The following ADGRV1 variants were observed in gnomAD, a reference collection of about 807,000 sequenced individuals.
The protein encoded by ADGRV1 is adhesion G protein-coupled receptor V1.
In ADGRV1, 359 loss-of-function variants were observed where a neutral mutation model predicts 596.2. The ratio of observed to expected loss-of-function variants is 0.60; its 90% CI spans 0.55 to 0.66. ADGRV1 has a LOEUF of 0.66. Among genes scored for constraint, ADGRV1 ranks in the 30% least tolerant of loss-of-function variants. ADGRV1 has a pLI of 0.00. For synonymous variants in ADGRV1, 2,681 were observed against 2,679.2 expected, an observed-to-expected ratio of 1.00 and a Z score of -0.02; for missense variants, 7,274 against 7,575.6, an observed-to-expected ratio of 0.96 and a Z score of 1.48.
intron 50 of ADGRV1, among the ~76,000 whole-genome samples, chr5:90,740,298 T>C (rs546286946): frequency 3.6e-4 from 55 of 152,022 alleles, no homozygotes; most frequent in African/African-American, 1.3e-3. Context: ...TGCATCTAGG[T>C]GGGGTCAGAT....
chr5:90,938,411 T>C (rs779141380), intron 83 of ADGRV1, among the ~76,000 whole-genome samples: 1 of 152,204 alleles, frequency 6.6e-6, no homozygotes, highest in Non-Finnish European at 1.5e-5. Flanking sequence ...TGCAATATAC[T>C]ACCATAAACA....
chr5:90,922,856 G>A (rs1774012529), intron 83 of ADGRV1, among the ~76,000 whole-genome samples: 1 of 152,158 alleles, frequency 6.6e-6, no homozygotes, highest in South Asian at 2.1e-4. Flanking sequence ...AATGACAGTT[G>A]GTTCTTGATG....
chr5:91,041,568 T>C (rs1001985584), intron 85 of ADGRV1, among the ~76,000 whole-genome samples: 2 of 151,284 alleles, frequency 1.3e-5, no homozygotes, highest in African/African-American at 2.4e-5. Context: ...TAAACCACCA[T>C]GGCACATGTA....
intron 87 of ADGRV1, among the ~76,000 whole-genome samples, chr5:91,145,054 T>A (rs1172516043): frequency 6.6e-6 from 1 of 152,268 alleles, no homozygotes; most frequent in African/African-American, 2.4e-5. Context: ...CCATTTTCTA[T>A]ATTTGCCCAG....
At chr5:90,605,231 A>G (rs1333514199) in intron 1 of ADGRV1, among the ~76,000 whole-genome samples, 3 of 152,258 alleles carry the variant, frequency 2.0e-5, no homozygotes, top group East Asian at 1.9e-4. Context: ...CCTGGCCAAC[A>G]TGGTGAAACC....
At chr5:90,674,860 T>C (rs6875517) in intron 23 of ADGRV1, among the ~76,000 whole-genome samples, 24,898 of 152,066 alleles carry the variant, frequency 0.16, 2,298 homozygotes, top group East Asian at 0.41. Context: ...GTGTTGCAAC[T>C]CCTTTAAGGT....
At chr5:90,586,997 A>T (rs1561333777) in intron 1 of ADGRV1, among the ~76,000 whole-genome samples, 1 of 152,184 alleles carries the variant, frequency 6.6e-6, no homozygotes. Flanking sequence ...ATAAATGTTT[A>T]ATTCTTTCCC....
intron 21 of ADGRV1, among the ~76,000 whole-genome samples, chr5:90,670,150 A>G (rs1469233082): frequency 6.6e-6 from 1 of 152,200 alleles, no homozygotes; most frequent in African/African-American, 2.4e-5. Context: ...TTTATTTCAT[A>G]GACACTTCAA....
chr5:90,813,591 T>TCA, intron 74 of ADGRV1, among the ~76,000 whole-genome samples: 1 of 152,182 alleles, frequency 6.6e-6, no homozygotes, highest in East Asian at 1.9e-4. Context: ...GGCACACTCA[T>TCA]CACACACCTG....
intron 89 of ADGRV1, among the ~76,000 whole-genome samples, chr5:91,153,698 C>T (rs1226088780): frequency 1.3e-5 from 2 of 152,202 alleles, no homozygotes; most frequent in African/African-American, 2.4e-5. Flanking sequence ...TATAGACAGT[C>T]GATAGGGATC....
At chr5:90,812,409 C>T (rs1031805727) in intron 74 of ADGRV1, among the ~76,000 whole-genome samples, 1 of 152,112 alleles carries the variant, frequency 6.6e-6, no homozygotes, top group Non-Finnish European at 1.5e-5. Context: ...ATTATAAATG[C>T]AGTGTAGAAT....
chr5:90,775,244 A>T (rs1278856960), intron 60 of ADGRV1, among the ~76,000 whole-genome samples: 1 of 152,192 alleles, frequency 6.6e-6, no homozygotes, highest in African/African-American at 2.4e-5. Flanking sequence ...AGAATTGTAG[A>T]GTATCTATCA....
chr5:90,716,333 A>AT, intron 42 of ADGRV1, 134 bp from the exon 43 acceptor site: 2 of 514,244 alleles, frequency 3.9e-6, no homozygotes, highest in Middle Eastern at 4.2e-4. Flanking sequence ...AAATTCTGTC[A>AT]TTTTTAAGAT....
intron 1 of ADGRV1, among the ~76,000 whole-genome samples, chr5:90,605,369 C>A (rs1308427513): frequency 5.3e-5 from 8 of 150,000 alleles, no homozygotes; most frequent in Admixed American, 4.7e-4. Flanking sequence ...GAGCCAAGAT[C>A]GCGCCACTGC....
intron 83 of ADGRV1, among the ~76,000 whole-genome samples, chr5:90,964,106 G>C (rs915822336): frequency 7.9e-5 from 12 of 151,924 alleles, no homozygotes; most frequent in Non-Finnish European, 1.6e-4. Flanking sequence ...ATTTTCAAGG[G>C]GAGTTGAGGG....
intron 85 of ADGRV1, among the ~76,000 whole-genome samples, chr5:91,046,162 A>T (rs1785788421): frequency 6.6e-6 from 1 of 152,152 alleles, no homozygotes; most frequent in Non-Finnish European, 1.5e-5. Context: ...AACTAGAAAA[A>T]ACAATCCTAA....
intron 24 of ADGRV1, 102 bp downstream of exon 24, chr5:90,675,547 G>T (rs1310140070): frequency 8.7e-7 from 1 of 1,153,022 alleles, no homozygotes; most frequent in Non-Finnish European, 1.3e-6. Context: ...AGTGACTCAC[G>T]CCTGTAATCC....
At chr5:90,924,244 C>T (rs1199794238) in intron 83 of ADGRV1, among the ~76,000 whole-genome samples, 1 of 151,670 alleles carries the variant, frequency 6.6e-6, no homozygotes, top group African/African-American at 2.4e-5. Flanking sequence ...TACAGTCCCA[C>T]CAACAGTGTA....
intron 83 of ADGRV1, among the ~76,000 whole-genome samples, chr5:90,887,537 T>C (rs1207958641): frequency 6.6e-6 from 1 of 152,210 alleles, no homozygotes. Context: ...GCACTCATTT[T>C]CTGCTGCAGT....
Sources: allele counts gnomAD v4.1 joint callset (sites outside exome capture counted in the v4.1 genomes callset), GRCh38; gene constraint gnomAD v4.1.1; transcripts MANE v1.5; gene names NCBI Gene and HGNC (gene_info 2026-07-23, HGNC 2026-07-21).